Variants in CRISP3 observed in about 807,000 individuals in gnomAD.
CRISP3 encodes cysteine rich secretory protein 3.
In CRISP3, 33 loss-of-function variants were observed where a neutral mutation model predicts 36.1. The ratio of observed to expected loss-of-function variants is 0.91; its 90% confidence interval spans 0.69 to 1.22. CRISP3 has a LOEUF of 1.22. CRISP3 is among the 50% of genes most tolerant of loss of function. CRISP3 has a pLI of 0.00. For synonymous variants in CRISP3, 117 were observed against 104.6 expected (o/e 1.12, Z -0.72); for missense variants, 330 against 301.2 (o/e 1.10, Z -0.71).
intron 1 of CRISP3, among the ~76,000 whole-genome samples, chr6:49,740,832 T>A (rs1449723967): frequency 6.6e-6 from 1 of 151,870 alleles, no homozygotes; most frequent in Non-Finnish European, 1.5e-5. Flanking sequence ...CTGGATGCGG[T>A]GGCTAATGCC....
chr6:49,734,426 A>C (rs1268442680), intron 4 of CRISP3, among the ~76,000 whole-genome samples: 1 of 152,190 alleles, frequency 6.6e-6, no homozygotes, highest in African/African-American at 2.4e-5. Context: ...GCAAATCAGA[A>C]CATCACAGGC....
intron 1 of CRISP3, among the ~76,000 whole-genome samples, chr6:49,743,143 A>G (rs1229517434): frequency 6.6e-6 from 1 of 152,246 alleles, no homozygotes; most frequent in Non-Finnish European, 1.5e-5. Context: ...AAGATATCCA[A>G]ATAAGAATAG....
Position 49,733,267 on chromosome 6 carries a change from A to G in CRISP3, c.488T>C (p.Val163Ala), listed in dbSNP as rs777048852. The G allele has an allele frequency of 8.1e-6, 13 of 1,611,470 alleles. No homozygotes were observed. In the East Asian group the frequency reaches 1.6e-4, roughly 19 times the overall value. ...GGGACAGTAGGCATTTCCACATCCAACGAGGTATGAAGAGTACCAAACAAC... is the reference window on the plus strand; with the variant it reads ...GGGACAGTAGGCATTTCCACATCCAGCGAGGTATGAAGAGTACCAAACAAC... ...TQVVWYSSYLVGCGNAYCPNQ... is the reference protein window; with the variant it reads ...TQVVWYSSYLAGCGNAYCPNQ... The change falls in exon 6 of 8, where the codon GTT becomes GCT. Residue 163 changes from valine to alanine, a missense_variant. Physicochemically the swap from Val to Ala is moderately conservative, Grantham distance 64. Transcript: ENST00000263045.
rs112198548 is a variant in CRISP3, at chr6:49,739,369, T to A, written c.38-1971A>T. Among the ~76,000 whole-genome samples, 963 of 152,362 alleles carry A rather than the reference T, an allele frequency of 6.3e-3. 6 individuals are homozygous for A. The highest frequency in any genetic ancestry group is 0.021 in the African/African-American group (875 of 41,592). Reference sequence around the variant, plus strand: ...CTGCACATGATCAAGTGAACAAGACTTGGTTCTTGCCCTCAGAGTCCTGGT... The same window carrying A: ...CTGCACATGATCAAGTGAACAAGACATGGTTCTTGCCCTCAGAGTCCTGGT... On this transcript the variant is annotated intron_variant, in intron 1 of 7. Coordinates refer to ENST00000263045, the MANE Select transcript of CRISP3 (RefSeq NM_006061.4).
At chr6:49,741,621 T>C (rs1044475885) in intron 1 of CRISP3, among the ~76,000 whole-genome samples, 1 of 147,522 alleles carries the variant, frequency 6.8e-6, no homozygotes, top group Admixed American at 6.8e-5. Context: ...GTTTTTTTTT[T>C]TTTTTTTTTT....
chr6:49,737,975 A>G (rs1219676667), intron 1 of CRISP3, among the ~76,000 whole-genome samples: 2 of 151,826 alleles, frequency 1.3e-5, no homozygotes, highest in Non-Finnish European at 2.9e-5. Context: ...CCTTTAAACT[A>G]CTCTCTTCAA....
At chr6:49,737,273 C>T in intron 2 of CRISP3, 52 bp downstream of exon 2, 1 of 1,423,186 alleles carries the variant, frequency 7.0e-7, no homozygotes, top group Non-Finnish European at 9.9e-7. Flanking sequence ...AGTAGCTTGC[C>T]ATCCCTCATG....
At chr6:49,735,940 G>T (rs1769040411) in intron 3 of CRISP3, among the ~76,000 whole-genome samples, 1 of 152,056 alleles carries the variant, frequency 6.6e-6, no homozygotes. Flanking sequence ...GAAGTAATTA[G>T]CTGGCTTACT....
intron 1 of CRISP3, among the ~76,000 whole-genome samples, chr6:49,738,132 C>G (rs1769107637): frequency 6.6e-6 from 1 of 152,182 alleles, no homozygotes; most frequent in African/African-American, 2.4e-5. Context: ...AGGGATTACT[C>G]ACCCTATCTG....
At chr6:49,743,307 C>T (rs1331257117) in intron 1 of CRISP3, among the ~76,000 whole-genome samples, 1 of 152,172 alleles carries the variant, frequency 6.6e-6, no homozygotes, top group African/African-American at 2.4e-5. Context: ...TCATCCCTGC[C>T]TGTTACAAAT....
rs575810135 is a variant in CRISP3 at position 49,741,637 on chromosome 6, A to G, written c.37+2694T>C. ...TTTTTTTTTTTTTTTTTTTTTTTAA[A>G]GAAAAAATAGAAGAGATCATTACTT... On this transcript the variant is annotated intron_variant, in intron 1 of 7. Transcript: ENST00000263045. Among the ~76,000 whole-genome samples, 615 of 144,320 alleles carry G rather than the reference A, an allele frequency of 4.3e-3. 1 individual carries two copies. Among genetic ancestry groups the G allele is most frequent in the Middle Eastern group, 7.8e-3 (2 of 256 alleles). 94.7% of individuals were successfully genotyped at this position (144,320 alleles called of 152,430 possible). A position where few individuals can be genotyped will look rare whatever the true frequency, so the allele number is the denominator to read the frequency against.
chr6:49,735,796 A>T (rs1373188212), intron 3 of CRISP3, among the ~76,000 whole-genome samples: 1 of 152,160 alleles, frequency 6.6e-6, no homozygotes, highest in Non-Finnish European at 1.5e-5. Flanking sequence ...GCCTACCCTA[A>T]GTAATCAAAA....
intron 6 of CRISP3, among the ~76,000 whole-genome samples, chr6:49,732,541 A>G (rs1768941561): frequency 6.6e-6 from 1 of 152,176 alleles, no homozygotes; most frequent in Non-Finnish European, 1.5e-5. Context: ...AAAAAAGTGG[A>G]CTTTCTGCAG....
Position 49,728,800 on chromosome 6 carries a change from A to G in CRISP3, c.707T>C (p.Leu236Ser), listed in dbSNP as rs771859186. The part of the protein sequence containing the change: ...YSNCKSLKLT[L>S]TCKHQLVRDS... ...CCTGACCAACTGATGTTTACAGGTT[A>G]ATGTGAGCTTCAAACTTTTACAGTT... Residue 236 changes from leucine (L) to serine (S), a missense_variant, in exon 8 of 8, where the codon TTA (leucine) becomes TCA (serine). By Grantham distance (145) the Leu-to-Ser change is moderately radical. Transcript: ENST00000263045. 2 of 1,612,624 alleles carry G rather than the reference A, an allele frequency of 1.2e-6. No individual in the cohort carries two copies. The highest frequency in any genetic ancestry group is 3.3e-5 in the Admixed American group (2 of 59,880).
intron 2 of CRISP3, among the ~76,000 whole-genome samples, chr6:49,736,994 C>T (rs1769070352): frequency 6.6e-6 from 1 of 152,054 alleles, no homozygotes; most frequent in Admixed American, 6.5e-5. Context: ...ACATGCAATA[C>T]TCTAGTAAAA....
At chr6:49,732,906 C>T (rs1249200578) in intron 6 of CRISP3, among the ~76,000 whole-genome samples, 1 of 152,138 alleles carries the variant, frequency 6.6e-6, no homozygotes, top group African/African-American at 2.4e-5. Flanking sequence ...TAGATAACTA[C>T]ACACTACATG....
At chr6:49,741,310 GT>G (rs1333177344) in intron 1 of CRISP3, among the ~76,000 whole-genome samples, 5 of 151,996 alleles carry the variant, frequency 3.3e-5, no homozygotes, top group African/African-American at 7.3e-5. Flanking sequence ...TCCCAATGCT[GT>G]TTTTTCCTGA....
At chr6:49,729,644 AG>A (rs1768865983) in intron 7 of CRISP3, among the ~76,000 whole-genome samples, 1 of 152,190 alleles carries the variant, frequency 6.6e-6, no homozygotes, top group East Asian at 1.9e-4. Context: ...GCCAGGATCC[AG>A]GAATCAACTG....
At chr6:49,732,985 G>A (rs1417393695) in intron 6 of CRISP3, among the ~76,000 whole-genome samples, 1 of 152,112 alleles carries the variant, frequency 6.6e-6, no homozygotes, top group Non-Finnish European at 1.5e-5. Flanking sequence ...TTAGGCATGA[G>A]GAAAGACAGC....
Sources: allele counts gnomAD v4.1 joint callset (sites outside exome capture counted in the v4.1 genomes callset), GRCh38; gene constraint gnomAD v4.1.1; transcripts MANE v1.5; gene names NCBI Gene and HGNC (gene_info 2026-07-23, HGNC 2026-07-21).